Variants in WDR27 observed in about 807,000 individuals in gnomAD.
WDR27 encodes WD repeat domain 27, also known as WD repeat-containing protein 27.
WDR27 carries 100 observed loss-of-function variants against 114.4 expected under a neutral mutation model. That is an observed-to-expected ratio of 0.87 (90% CI 0.74 to 1.03). The LOEUF (loss-of-function observed/expected upper bound fraction) is 1.03, where lower values mean the gene tolerates loss of function less well. Ranked by LOEUF, WDR27 falls within the 50% of genes least tolerant of loss-of-function variation. WDR27 has a pLI of 0.00. For synonymous variants in WDR27, 449 were observed against 423.1 expected, an observed-to-expected ratio of 1.06 and a Z score of -0.75; for missense variants, 1,129 against 1,092.9, an observed-to-expected ratio of 1.03 and a Z score of -0.47.
chr6:169,495,622 C>A (rs1790302744), intron 25 of WDR27, among the ~76,000 whole-genome samples: 1 of 151,784 alleles, frequency 6.6e-6, no homozygotes, highest in South Asian at 2.1e-4. Context: ...AAATAAAAAG[C>A]ATTATAAGAG....
chr6:169,543,304 T>C (rs903175978), intron 25 of WDR27, among the ~76,000 whole-genome samples: 6 of 152,078 alleles, frequency 3.9e-5, no homozygotes, highest in Non-Finnish European at 8.8e-5. Flanking sequence ...AGAAATGTCA[T>C]ACCAAAGTGA....
chr6:169,636,554 A>C lies in WDR27; in HGVS notation c.1870-50T>G, dbSNP rs758743834. On this transcript the variant is annotated intron_variant, in intron 18 of 25. Transcript: ENST00000448612. ...GTCAATATAATAAATGTTAACAAAA[A>C]CACTATTGCTCTAAACATAAAATTA... The C allele has an allele frequency of 4.6e-6, 7 of 1,519,446 alleles. No homozygotes were observed. In the Admixed American group the frequency reaches 1.2e-4, roughly 26 times the overall value. 94.1% of individuals were successfully genotyped at this position (1,519,446 alleles called of 1,614,324 possible).
the WDR27 span, among the ~76,000 whole-genome samples, chr6:169,437,608 T>A: frequency 6.6e-6 from 1 of 152,296 alleles, no homozygotes; most frequent in African/African-American, 2.4e-5. Context: ...CCACTCCATG[T>A]GATTTACCTT....
At chr6:169,541,277 C>A (rs768880657) in intron 25 of WDR27, among the ~76,000 whole-genome samples, 1 of 152,078 alleles carries the variant, frequency 6.6e-6, no homozygotes, top group Non-Finnish European at 1.5e-5. Flanking sequence ...GTAGAACAAA[C>A]CAATATTTAA....
chr6:169,655,119 T>C (rs1823760181), intron 13 of WDR27, among the ~76,000 whole-genome samples: 1 of 152,242 alleles, frequency 6.6e-6, no homozygotes, highest in Non-Finnish European at 1.5e-5. Context: ...CGCTGTTGCC[T>C]GGGTTTTCCG....
Position 169,593,773 on chromosome 6 carries a change from C to T in WDR27, c.2424+8446G>A, listed in dbSNP as rs370311515. Among the ~76,000 whole-genome samples the T allele has an allele frequency of 2.1e-4, 32 of 152,126 alleles. No homozygotes were observed. The East Asian group carries it at 2.5e-3, about 12-fold the overall frequency. ...CTGAGGCAGGAGAACCTCTTGAACC[C>T]GGGAGGCGGAGGTTACAGTGAGCTG... On this transcript the variant is annotated intron_variant, in intron 23 of 25. Coordinates refer to ENST00000448612, the MANE Select transcript of WDR27 (RefSeq NM_182552.5).
chr6:169,465,186 A>T (rs1241411910), intron 25 of WDR27, among the ~76,000 whole-genome samples: 2 of 142,066 alleles, frequency 1.4e-5, no homozygotes, highest in Admixed American at 1.5e-4. Flanking sequence ...TGAACCTGGG[A>T]GGTGGAGATT....
Position 169,538,197 on chromosome 6 carries a change from T to A in WDR27, c.2645+34222A>T, listed in dbSNP as rs147527721. 7.6e-4 allele frequency among the ~76,000 whole-genome samples: 115 copies of A among 152,310 alleles called. 1 individual carries two copies. The highest frequency in any genetic ancestry group is 1.0e-3 in the Non-Finnish European group (71 of 68,028). On this transcript the variant is annotated intron_variant, in intron 25 of 25. Coordinates refer to ENST00000448612, the MANE Select transcript of WDR27 (RefSeq NM_182552.5). ...TTGAACATTAAGTCTGGCAGGATCC[T>A]GATGGTCACAGGGTGGTGAAACACC...
At chr6:169,476,455 G>A (rs1787180452) in intron 25 of WDR27, among the ~76,000 whole-genome samples, 1 of 152,182 alleles carries the variant, frequency 6.6e-6, no homozygotes, top group African/African-American at 2.4e-5. Context: ...CTCACCACCT[G>A]TTTCTTTGTT....
chr6:169,590,890 C>T (rs989348717), intron 23 of WDR27, among the ~76,000 whole-genome samples: 37 of 152,188 alleles, frequency 2.4e-4, no homozygotes, highest in African/African-American at 4.8e-4. Context: ...TCCCCTGAGA[C>T]GGACATTTAG....
intron 21 of WDR27, among the ~76,000 whole-genome samples, chr6:169,631,941 C>T (rs563160864): frequency 2.0e-5 from 3 of 152,202 alleles, no homozygotes; most frequent in African/African-American, 7.2e-5. Context: ...AATCTCTGCA[C>T]TTTGGGAGGC....
At chr6:169,505,862 A>G (rs1791939552) in intron 25 of WDR27, among the ~76,000 whole-genome samples, 1 of 152,198 alleles carries the variant, frequency 6.6e-6, no homozygotes, top group Non-Finnish European at 1.5e-5. Context: ...GGGACCTGAG[A>G]ATCTGCTTGT....
chr6:169,551,527 G>A (rs1464455433), intron 25 of WDR27, among the ~76,000 whole-genome samples: 1 of 151,970 alleles, frequency 6.6e-6, no homozygotes, highest in Non-Finnish European at 1.5e-5. Flanking sequence ...CTGAGGTCAC[G>A]AGTTCGAGAC....
chr6:169,545,737 A>C (rs1421940642), intron 25 of WDR27, among the ~76,000 whole-genome samples: 2 of 152,214 alleles, frequency 1.3e-5, no homozygotes, highest in African/African-American at 4.8e-5. Flanking sequence ...AAAGGTGAAA[A>C]GGCAAGTTAC....
the WDR27 span, among the ~76,000 whole-genome samples, chr6:169,442,400 C>A: frequency 3.9e-5 from 6 of 152,198 alleles, no homozygotes; most frequent in African/African-American, 1.4e-4. Flanking sequence ...AAAATAGACA[C>A]CCAGCATCTA....
At chr6:169,482,847 G>T (rs1788377185) in intron 25 of WDR27, among the ~76,000 whole-genome samples, 1 of 152,016 alleles carries the variant, frequency 6.6e-6, no homozygotes, top group Admixed American at 6.6e-5. Flanking sequence ...CTCTGACCAT[G>T]GCTCAATAAA....
intron 22 of WDR27, among the ~76,000 whole-genome samples, chr6:169,611,997 G>A (rs1392455724): frequency 7.9e-5 from 12 of 152,292 alleles, no homozygotes; most frequent in African/African-American, 2.4e-4. Flanking sequence ...TTAGCTGGGC[G>A]TGGTGGCGCA....
chr6:169,474,409 TTAAC>T (rs1324450589), intron 25 of WDR27, among the ~76,000 whole-genome samples: 1 of 152,232 alleles, frequency 6.6e-6, no homozygotes. Context: ...TATGCAGTCT[TTAAC>T]TAAATTTTGT....
chr6:169,675,670 C>T (rs1204914273), intron 2 of WDR27, among the ~76,000 whole-genome samples: 2 of 152,098 alleles, frequency 1.3e-5, no homozygotes, highest in Non-Finnish European at 2.9e-5. Flanking sequence ...TAAATTTAAA[C>T]ATTTTCTGGT....
Sources: gnomAD v4.1 joint callset for allele counts (sites outside exome capture counted in the v4.1 genomes callset) on GRCh38, gnomAD v4.1.1 for gene constraint, MANE v1.5 for transcripts, NCBI Gene and HGNC (gene_info 2026-07-23, HGNC 2026-07-21) for gene names.